The following COL14A1 variants were observed in gnomAD, a reference collection of about 807,000 sequenced individuals.
COL14A1 encodes the protein collagen alpha-1(XIV) chain.
A neutral mutation model predicts 230.3 loss-of-function variants in COL14A1; 136 were observed. The ratio of observed to expected loss-of-function variants is 0.59; its 90% CI spans 0.51 to 0.68. COL14A1 has a LOEUF of 0.68. Among genes scored for constraint, COL14A1 ranks in the 30% least tolerant of loss-of-function variants. The pLI is 0.00. For synonymous variants in COL14A1, 792 were observed against 784.1 expected, an observed-to-expected ratio of 1.01 and a Z score of -0.17; for missense variants, 1,976 against 2,215.8, an observed-to-expected ratio of 0.89 and a Z score of 2.17.
intron 22 of COL14A1, among the ~76,000 whole-genome samples, chr8:120,251,938 C>T (rs1403394514): frequency 5.3e-5 from 8 of 151,640 alleles, no homozygotes; most frequent in Admixed American, 3.9e-4. Flanking sequence ...AACTCTATTG[C>T]TATAAACCCC....
chr8:120,264,114 A>C (rs78493039), intron 24 of COL14A1, among the ~76,000 whole-genome samples: 3,166 of 152,236 alleles, frequency 0.021, 114 homozygotes, highest in African/African-American at 0.071. Flanking sequence ...CTGCTATTTG[A>C]AGTCGATCTC....
At chr8:120,332,568 C>T (rs1821908216) in intron 41 of COL14A1, 96 bp from the exon 42 acceptor site, 3 of 988,150 alleles carry the variant, frequency 3.0e-6, no homozygotes, top group Admixed American at 4.2e-5. Flanking sequence ...GGGAAGCTAT[C>T]ATGGTGTGTA....
intron 45 of COL14A1, among the ~76,000 whole-genome samples, chr8:120,347,987 A>G (rs185326971): frequency 7.2e-5 from 11 of 152,238 alleles, no homozygotes; most frequent in Non-Finnish European, 1.3e-4. Flanking sequence ...TAGGCTTCCT[A>G]TGAGCCTCAT....
chr8:120,182,180 C>T (rs1051798674), intron 5 of COL14A1, among the ~76,000 whole-genome samples: 2 of 152,174 alleles, frequency 1.3e-5, no homozygotes, highest in African/African-American at 4.8e-5. Context: ...AATAAGTTTT[C>T]AAATGTCTTC....
intron 40 of COL14A1, among the ~76,000 whole-genome samples, chr8:120,318,717 C>G (rs1329273145): frequency 6.6e-6 from 1 of 151,948 alleles, no homozygotes; most frequent in East Asian, 1.9e-4. Flanking sequence ...CTCAGGCCAT[C>G]CTAAAAGGCA....
In COL14A1 at chr8:120,156,164, AGGG is replaced by A. The variant is rs1563640230; in HGVS notation, c.89-1965_89-1963del. Among the ~76,000 whole-genome samples the A allele has an allele frequency of 1.9e-4, 23 of 122,602 alleles. 1 individual carries two copies. The highest frequency in any genetic ancestry group is 6.8e-4 in the African/African-American group (21 of 30,670). The allele number at this position is 122,602 out of a possible 152,430, so 80.4% of individuals were successfully genotyped here. ...ATTCTTCATTCATCTAGCTCAATGAAGGGTGACTTCTTTTTTTTTTTGAGATGG... is the reference window on the plus strand; with the variant it reads ...ATTCTTCATTCATCTAGCTCAATGAATGACTTCTTTTTTTTTTTGAGATGG... On this transcript the variant is annotated intron_variant, in intron 2 of 47. Coordinates refer to ENST00000297848, the MANE Select transcript of COL14A1 (RefSeq NM_021110.4).
At chr8:120,320,153 C>T (rs193049633) in intron 40 of COL14A1, among the ~76,000 whole-genome samples, 5 of 152,152 alleles carry the variant, frequency 3.3e-5, no homozygotes, top group Admixed American at 2.0e-4. Flanking sequence ...CTTTCCTCAG[C>T]GGTAAAGTGG....
At chr8:120,323,719 A>G (rs779300214) in intron 40 of COL14A1, among the ~76,000 whole-genome samples, 19 of 152,138 alleles carry the variant, frequency 1.2e-4, no homozygotes, top group Middle Eastern at 6.8e-3. Context: ...CAAAGGTCAG[A>G]TAGTTGTTGG....
chr8:120,195,238 G>T (rs1816992144), intron 5 of COL14A1, among the ~76,000 whole-genome samples: 1 of 151,770 alleles, frequency 6.6e-6, no homozygotes, highest in South Asian at 2.1e-4. Context: ...AACCATAATA[G>T]TTCAACTATT....
chr8:120,245,764 G>A (rs546909068), intron 20 of COL14A1, among the ~76,000 whole-genome samples: 1 of 152,282 alleles, frequency 6.6e-6, no homozygotes, highest in Admixed American at 6.5e-5. Flanking sequence ...ACCCAGCTGA[G>A]TGCCTCTCTC....
intron 36 of COL14A1, among the ~76,000 whole-genome samples, chr8:120,304,820 G>C (rs1310210473): frequency 6.6e-6 from 1 of 152,106 alleles, no homozygotes; most frequent in African/African-American, 2.4e-5. Flanking sequence ...TATTCCATTA[G>C]CCAGCACTTA....
At chr8:120,337,324 A>G (rs1370354274) in intron 42 of COL14A1, among the ~76,000 whole-genome samples, 2 of 148,180 alleles carry the variant, frequency 1.3e-5, no homozygotes, top group Non-Finnish European at 3.0e-5. Flanking sequence ...TAAACCCGGG[A>G]GGCAGAGGTT....
At chr8:120,281,381 A>G (rs1586828955) in intron 31 of COL14A1, among the ~76,000 whole-genome samples, 1 of 151,920 alleles carries the variant, frequency 6.6e-6, no homozygotes, top group Non-Finnish European at 1.5e-5. Context: ...GGGCAACAAA[A>G]TAAGAGTCTC....
At position 120,225,171 on chromosome 8, in the gene COL14A1, T is replaced by C. The variant is rs1818056309; in HGVS notation, c.1821T>C (p.Tyr607=). The change falls in exon 15 of 48, where the codon TAT becomes TAC. Residue 607 remains tyrosine, a synonymous_variant. Coordinates refer to ENST00000297848, the MANE Select transcript of COL14A1 (RefSeq NM_021110.4). ...ATACTATTGCTATTTTCTCCATCTATGATGAAGGACAGTCAGAGCCTCTGA... is the reference window on the plus strand; with the variant it reads ...ATACTATTGCTATTTTCTCCATCTACGATGAAGGACAGTCAGAGCCTCTGA... ...TEYTIAIFSI[Y]DEGQSEPLTG... 1 of 1,613,118 alleles carries C rather than the reference T, an allele frequency of 6.2e-7. No individual in the cohort carries two copies. Among genetic ancestry groups the C allele is most frequent in the Non-Finnish European group, 8.5e-7 (1 of 1,179,632 alleles).
intron 26 of COL14A1, among the ~76,000 whole-genome samples, chr8:120,276,897 G>A (rs1819872019): frequency 6.6e-6 from 1 of 151,976 alleles, no homozygotes; most frequent in Admixed American, 6.6e-5. Context: ...ACATGCTGAG[G>A]CATGTCAGAA....
intron 5 of COL14A1, among the ~76,000 whole-genome samples, chr8:120,193,854 A>C (rs1364167802): frequency 6.6e-6 from 1 of 152,206 alleles, no homozygotes; most frequent in Non-Finnish European, 1.5e-5. Flanking sequence ...CCTCCGAGCC[A>C]GGTGTGGGAT....
At chr8:120,124,946 G>A (rs561184038), upstream of COL14A1, among the ~76,000 whole-genome samples, 1 of 152,186 alleles carries the variant, frequency 6.6e-6, no homozygotes, top group African/African-American at 2.4e-5. Flanking sequence ...GCGGCACGGG[G>A]CTGGCTTCTC....
At chr8:120,224,952 C>T in intron 14 of COL14A1, 136 bp from the exon 15 acceptor site, 1 of 698,864 alleles carries the variant, frequency 1.4e-6, no homozygotes, top group Non-Finnish European at 2.3e-6. Context: ...CATACATAAA[C>T]TGGTTTTATA....
At chr8:120,313,177 T>C (rs1821101193) in intron 37 of COL14A1, among the ~76,000 whole-genome samples, 1 of 152,080 alleles carries the variant, frequency 6.6e-6, no homozygotes, top group Non-Finnish European at 1.5e-5. Flanking sequence ...CTGGCCAACA[T>C]GGTGAAACCC....
Sources: gnomAD v4.1 joint callset for allele counts (sites outside exome capture counted in the v4.1 genomes callset) on GRCh38, gnomAD v4.1.1 for gene constraint, MANE v1.5 for transcripts, NCBI Gene and HGNC (gene_info 2026-07-23, HGNC 2026-07-21) for gene names.